The following TMEM154 variants were observed in gnomAD, a reference collection of about 807,000 sequenced individuals.
The protein encoded by TMEM154 is transmembrane protein 154.
A neutral mutation model predicts 24.5 loss-of-function variants in TMEM154; 27 were observed. The observed-to-expected ratio is 1.10, with a 90% CI of 0.81 to 1.52. The LOEUF (loss-of-function observed/expected upper bound fraction) is 1.52. TMEM154 is among the 40% of genes most tolerant of loss of function. The pLI is 0.00. For missense variants in TMEM154, 228 were observed against 213.4 expected (o/e 1.07, Z -0.43); for synonymous variants, 67 against 76.8 (o/e 0.87, Z 0.67).
rs767572166 is a variant in TMEM154 at position 152,628,581 on chromosome 4, A to C, written c.537-20T>G. ...CTGTCACTGTAAAAAAAAAAAAAAA[A>C]AAAAAAAAAAACAAAAAAAACACAC... On this transcript the variant is annotated intron_variant, in intron 6 of 6. Coordinates refer to ENST00000304385, the MANE Select transcript of TMEM154 (RefSeq NM_152680.3). 42 of 1,100,864 alleles carry C rather than the reference A, an allele frequency of 3.8e-5. No individual in the cohort carries two copies. The highest frequency in any genetic ancestry group is 5.3e-4 in the Middle Eastern group (2 of 3,768). 68.2% of individuals were successfully genotyped at this position (1,100,864 alleles called of 1,614,324 possible).
intron 3 of TMEM154, among the ~76,000 whole-genome samples, chr4:152,644,923 C>G (rs1200884158): frequency 6.6e-6 from 1 of 152,158 alleles, no homozygotes; most frequent in Non-Finnish European, 1.5e-5. Context: ...TTGGAATTTT[C>G]CTTTTACCCC....
intron 6 of TMEM154, among the ~76,000 whole-genome samples, chr4:152,631,487 G>A (rs2149777607): frequency 6.6e-6 from 1 of 152,288 alleles, no homozygotes; most frequent in African/African-American, 2.4e-5. Context: ...AGGCTGGAGT[G>A]CAGTGGCAAG....
rs1172583341 is a variant in TMEM154 at position 152,626,723 on chromosome 4, A to C, written c.*1823T>G. On this transcript the variant is annotated 3_prime_UTR_variant, in exon 7 of 7. Coordinates refer to ENST00000304385, the MANE Select transcript of TMEM154 (RefSeq NM_152680.3). Reference sequence around the variant, plus strand: ...AGGGTTGGATCAAATGTAAAGGCCCAGGTGTTCAAAGATCTTAGATACCTA... The same window carrying C: ...AGGGTTGGATCAAATGTAAAGGCCCCGGTGTTCAAAGATCTTAGATACCTA... The C allele has an allele frequency of 6.6e-6, 1 of 152,198 alleles. No homozygotes were observed. The highest frequency in any genetic ancestry group is 2.4e-5 in the African/African-American group (1 of 41,450). 9.4% of individuals were successfully genotyped at this position (152,198 alleles called of 1,614,324 possible).
rs1561041520 is a variant in TMEM154, at chr4:152,626,179, A to C, written c.*2367T>G. 1 of 152,658 alleles carries C rather than the reference A, an allele frequency of 6.6e-6. No individual in the cohort carries two copies. 9.5% of individuals were successfully genotyped at this position (152,658 alleles called of 1,614,324 possible). On this transcript the variant is annotated 3_prime_UTR_variant, in exon 7 of 7. Transcript: ENST00000304385. ...AGTTTGACTAGGCTATGTTGTTGTT[A>C]ACCTAGTTTGCTTAAAATGTACGAA...
intron 1 of TMEM154, chr4:152,666,888 T>C (rs1004081168): frequency 1.1e-4 from 16 of 152,266 alleles, no homozygotes; most frequent in African/African-American, 3.9e-4. Context: ...GGGACACCAA[T>C]GCTCAGACTA....
At chr4:152,629,437 T>A (rs1579506972) in intron 6 of TMEM154, among the ~76,000 whole-genome samples, 2 of 152,254 alleles carry the variant, frequency 1.3e-5, no homozygotes, top group East Asian at 3.8e-4. Context: ...AACATGACCA[T>A]GCTGTTGGCT....
Position 152,623,141 on chromosome 4 carries a change from AAT to A in TMEM154, c.*5403_*5404del, listed in dbSNP as rs1751867398. 1 of 152,172 alleles carries A rather than the reference AAT, an allele frequency of 6.6e-6. No homozygotes were observed. Among genetic ancestry groups the A allele is most frequent in the Non-Finnish European group, 1.5e-5 (1 of 68,022 alleles). The allele number at this position is 152,172 out of a possible 1,614,324, so 9.4% of individuals were successfully genotyped here. On this transcript the variant is annotated 3_prime_UTR_variant, in exon 7 of 7. Coordinates refer to ENST00000304385, the MANE Select transcript of TMEM154 (RefSeq NM_152680.3). Reference sequence around the variant, plus strand: ...ACTGTGCCTGGCTGGGACCACTTCTAATATGAGGCTTACAAGGTAGAATTTAT... The same window carrying A: ...ACTGTGCCTGGCTGGGACCACTTCTAATGAGGCTTACAAGGTAGAATTTAT...
rs1751865264 is a variant in TMEM154 at position 152,623,020 on chromosome 4, A to G, written c.*5526T>C. On this transcript the variant is annotated 3_prime_UTR_variant, in exon 7 of 7. Transcript: ENST00000304385. ...CCTGGCTAATTTTTGCATTTTTGTA[A>G]AAATGGGGTTTCACCATGTTGGCCA... 1 of 152,156 alleles carries G rather than the reference A, an allele frequency of 6.6e-6. No individual in the cohort carries two copies. The highest frequency in any genetic ancestry group is 2.1e-4 in the South Asian group (1 of 4,824). 9.4% of individuals were successfully genotyped at this position (152,156 alleles called of 1,614,324 possible). A position where few individuals can be genotyped will look rare whatever the true frequency, so the allele number is the denominator to read the frequency against.
intron 1 of TMEM154, among the ~76,000 whole-genome samples, chr4:152,675,156 C>A (rs77403596): frequency 5.8e-3 from 483 of 82,982 alleles, no homozygotes; most frequent in Middle Eastern, 0.018. Flanking sequence ...GGCTCCATCT[C>A]AAAAAAAAAA....
intron 1 of TMEM154, among the ~76,000 whole-genome samples, chr4:152,660,621 C>T (rs1405054340): frequency 6.6e-6 from 1 of 152,126 alleles, no homozygotes; most frequent in Admixed American, 6.5e-5. Context: ...ACCAGGGGGC[C>T]GATGGCAGAA....
chr4:152,654,193 T>C (rs1355117825), intron 1 of TMEM154, among the ~76,000 whole-genome samples: 1 of 152,236 alleles, frequency 6.6e-6, no homozygotes, highest in Non-Finnish European at 1.5e-5. Flanking sequence ...TAATATCGTA[T>C]AATGTTGTCT....
intron 1 of TMEM154, among the ~76,000 whole-genome samples, chr4:152,660,023 C>T (rs746535837): frequency 6.6e-6 from 1 of 151,780 alleles, no homozygotes; most frequent in Non-Finnish European, 1.5e-5. Context: ...ACTGAAACCA[C>T]GAAAAACGAA....
At chr4:152,673,229 T>G (rs1272113830) in intron 1 of TMEM154, among the ~76,000 whole-genome samples, 1 of 152,204 alleles carries the variant, frequency 6.6e-6, no homozygotes, top group Non-Finnish European at 1.5e-5. Flanking sequence ...TAAATAAGTA[T>G]AATTATTCTA....
intron 1 of TMEM154, among the ~76,000 whole-genome samples, chr4:152,672,573 T>C (rs543847886): frequency 1.3e-5 from 2 of 152,318 alleles, no homozygotes; most frequent in East Asian, 3.9e-4. Context: ...CCTGACACAG[T>C]AGCCACATGG....
In TMEM154 at chr4:152,623,603, G is replaced by C. The variant is rs180696551; in HGVS notation, c.*4943C>G. 9 of 152,326 alleles carry C rather than the reference G, an allele frequency of 5.9e-5. No individual in the cohort carries two copies. The highest frequency in any genetic ancestry group is 5.2e-4 in the Admixed American group (8 of 15,306). 9.4% of individuals were successfully genotyped at this position (152,326 alleles called of 1,614,324 possible). A position where few individuals can be genotyped will look rare whatever the true frequency, so the allele number is the denominator to read the frequency against. On this transcript the variant is annotated 3_prime_UTR_variant, in exon 7 of 7. Transcript: ENST00000304385. ...AGACCAAAGAAATGAAAACTGGCTG[G>C]GCATGGTGGCTTATGCCTATAATCC...
intron 1 of TMEM154, among the ~76,000 whole-genome samples, chr4:152,667,712 T>C (rs924122671): frequency 2.0e-5 from 3 of 152,252 alleles, no homozygotes; most frequent in African/African-American, 7.2e-5. Context: ...CAGAAAGGTA[T>C]TTGAGATCAT....
rs905861264 is a variant in TMEM154 at position 152,621,879 on chromosome 4, A to T, written c.*6667T>A. The T allele has an allele frequency of 7.3e-5, 11 of 151,624 alleles. No homozygotes were observed. Among genetic ancestry groups the T allele is most frequent in the African/African-American group, 2.7e-4 (11 of 41,242 alleles). 9.4% of individuals were successfully genotyped at this position (151,624 alleles called of 1,614,324 possible). A position where few individuals can be genotyped will look rare whatever the true frequency, so the allele number is the denominator to read the frequency against. ...CACCCAGCCTGCAGTGCAGTGGCTCAGTCTTGGCACTCACTGCAAACCCCG... is the reference window on the plus strand; with the variant it reads ...CACCCAGCCTGCAGTGCAGTGGCTCTGTCTTGGCACTCACTGCAAACCCCG... On this transcript the variant is annotated 3_prime_UTR_variant, in exon 7 of 7. Transcript: ENST00000304385.
At position 152,628,507 on chromosome 4, in the gene TMEM154, G is replaced by A; in HGVS notation, c.*39C>T. 7.2e-7 allele frequency: 1 copy of A among 1,390,744 alleles called. No individual in the cohort carries two copies. The highest frequency in any genetic ancestry group is 9.6e-7 in the Non-Finnish European group (1 of 1,045,930). The allele number at this position is 1,390,744 out of a possible 1,614,324, so 86.2% of individuals were successfully genotyped here. On this transcript the variant is annotated 3_prime_UTR_variant, in exon 7 of 7. Coordinates refer to ENST00000304385, the MANE Select transcript of TMEM154 (RefSeq NM_152680.3). ...TTGGCAGCCTCAGCAGACTCCCTCA[G>A]GGGCTGCTTCTCTTGGAAAACATGA...
chr4:152,674,937 C>T (rs962087241), intron 1 of TMEM154, among the ~76,000 whole-genome samples: 1 of 151,916 alleles, frequency 6.6e-6, no homozygotes, highest in Non-Finnish European at 1.5e-5. Context: ...GAGTGGATCA[C>T]CTGAAGTCAG....
Sources: allele counts gnomAD v4.1 joint callset (sites outside exome capture counted in the v4.1 genomes callset), GRCh38; gene constraint gnomAD v4.1.1; transcripts MANE v1.5; gene names NCBI Gene and HGNC (gene_info 2026-07-23, HGNC 2026-07-21).